UNC13C: variants seen among roughly 807,000 people sequenced by gnomAD.
The protein encoded by UNC13C is unc-13 homolog C.
Under a neutral mutation model 245.4 loss-of-function variants are expected in UNC13C, and 174 were observed. The observed-to-expected ratio is 0.71, with a 90% CI of 0.63 to 0.80. The LOEUF (loss-of-function observed/expected upper bound fraction) is 0.80, where lower values mean the gene tolerates loss of function less well. UNC13C is among the 30% of genes least tolerant of loss of function. The pLI is 0.00. For missense variants in UNC13C, 2,829 were observed against 2,602.9 expected, an observed-to-expected ratio of 1.09 and a Z score of -1.89; for synonymous variants, 992 against 895.1, an observed-to-expected ratio of 1.11 and a Z score of -1.93.
intron 1 of UNC13C, among the ~76,000 whole-genome samples, chr15:53,999,334 A>G (rs1203933988): frequency 6.6e-6 from 1 of 151,826 alleles, no homozygotes; most frequent in East Asian, 1.9e-4. Context: ...TACATAGAGA[A>G]AAATTCTTCC....
chr15:54,132,717 G>A (rs184944462), intron 2 of UNC13C, among the ~76,000 whole-genome samples: 10 of 152,230 alleles, frequency 6.6e-5, no homozygotes, highest in Admixed American at 2.0e-4. Context: ...ATGACTTTCA[G>A]GCATACTACA....
chr15:54,102,490 C>A (rs1418405890), intron 2 of UNC13C, among the ~76,000 whole-genome samples: 1 of 152,214 alleles, frequency 6.6e-6, no homozygotes, highest in Non-Finnish European at 1.5e-5. Flanking sequence ...CTACACACAT[C>A]TTTCCCTAAA....
At chr15:53,853,403 T>C in the UNC13C span, among the ~76,000 whole-genome samples, 4 of 152,220 alleles carry the variant, frequency 2.6e-5, no homozygotes, top group Non-Finnish European at 5.9e-5. Flanking sequence ...CAGTCTATCA[T>C]TGATGGTCAT....
intron 1 of UNC13C, among the ~76,000 whole-genome samples, chr15:53,996,718 A>G (rs142117875): frequency 2.0e-5 from 3 of 152,152 alleles, no homozygotes; most frequent in East Asian, 1.9e-4. Context: ...ATCATAGAGT[A>G]TGTATTCTTT....
the UNC13C span, among the ~76,000 whole-genome samples, chr15:53,894,187 C>T: frequency 3.3e-5 from 5 of 152,168 alleles, no homozygotes; most frequent in African/African-American, 1.2e-4. Flanking sequence ...CCAATCAGTC[C>T]CAGTGAGATG....
At chr15:54,549,609 T>G in intron 27 of UNC13C, 26 bp from the exon 28 acceptor site, 1 of 1,563,422 alleles carries the variant, frequency 6.4e-7, no homozygotes, top group Non-Finnish European at 8.7e-7. Context: ...AGACTGAGTC[T>G]TCTCTCACTT....
Position 54,269,646 on chromosome 15 carries a change from G to A in UNC13C, c.3818+4150G>A, listed in dbSNP as rs2036634626. On this transcript the variant is annotated intron_variant, in intron 10 of 32. Coordinates refer to ENST00000260323, the MANE Select transcript of UNC13C (RefSeq NM_001080534.3). ...CAATTCGCAGTGCTCATCCAGACCA[G>A]GGCTAGTGCTTGTTCCCACCAGACT... Among the ~76,000 whole-genome samples, 4 of 152,224 alleles carry A rather than the reference G, an allele frequency of 2.6e-5. No homozygotes were observed. The South Asian group carries it at 8.3e-4, about 32-fold the overall frequency.
At chr15:54,530,425 C>T (rs1328221485) in intron 25 of UNC13C, among the ~76,000 whole-genome samples, 1 of 152,190 alleles carries the variant, frequency 6.6e-6, no homozygotes, top group Non-Finnish European at 1.5e-5. Context: ...CCAAGCATGG[C>T]ATCCTGTGCC....
the UNC13C span, among the ~76,000 whole-genome samples, chr15:53,859,427 T>A: frequency 2.0e-5 from 3 of 152,184 alleles, no homozygotes; most frequent in Non-Finnish European, 4.4e-5. Context: ...ATGGAAGGGA[T>A]AGCCCAGGTT....
rs556804653 is a variant in UNC13C, at chr15:54,510,085, A to G, written c.5380-1668A>G. Among the ~76,000 whole-genome samples the G allele has an allele frequency of 2.0e-5, 3 of 152,268 alleles. 1 individual carries two copies. The East Asian group carries it at 5.8e-4, about 29-fold the overall frequency. ...AAAGCTAGTACTAGGGTCCTGTTAC[A>G]TGTGACAATAAAGATTAGCTTGAAT... On this transcript the variant is annotated intron_variant, in intron 23 of 32. Transcript: ENST00000260323.
rs1337728060 is a variant in UNC13C, at chr15:54,015,600, T to A, written c.2697T>A (p.Asp899Glu). The change falls in exon 2 of 33, where the codon GAT (aspartate) becomes GAA (glutamate). Residue 899 changes from aspartate to glutamate, a missense_variant. Coordinates refer to ENST00000260323, the MANE Select transcript of UNC13C (RefSeq NM_001080534.3). ...ACAGGACTAGTATTACTGAAACAGATGAACAAATGCAAGCATATGATCACC... is the reference window on the plus strand; with the variant it reads ...ACAGGACTAGTATTACTGAAACAGAAGAACAAATGCAAGCATATGATCACC... Reference protein sequence around the residue: ...LENRTSITETDEQMQAYDHLS... With the variant: ...LENRTSITETEEQMQAYDHLS... 1 of 1,613,832 alleles carries A rather than the reference T, an allele frequency of 6.2e-7. No individual in the cohort carries two copies. Among genetic ancestry groups the A allele is most frequent in the Non-Finnish European group, 8.5e-7 (1 of 1,179,806 alleles).
the UNC13C span, among the ~76,000 whole-genome samples, chr15:53,918,111 T>G: frequency 1.3e-5 from 2 of 152,204 alleles, no homozygotes; most frequent in Non-Finnish European, 2.9e-5. Flanking sequence ...GTGGATTGTT[T>G]TAAAATTTTG....
chr15:54,012,258 C>T (rs971469565), intron 1 of UNC13C, among the ~76,000 whole-genome samples: 4 of 151,980 alleles, frequency 2.6e-5, no homozygotes, highest in East Asian at 1.9e-4. Flanking sequence ...GGGGAATATA[C>T]ATAGATTTAA....
chr15:54,545,949 A>T (rs1024803602), intron 26 of UNC13C, among the ~76,000 whole-genome samples: 1 of 152,168 alleles, frequency 6.6e-6, no homozygotes, highest in Non-Finnish European at 1.5e-5. Context: ...ATACCATTTG[A>T]CCCAGCAATC....
chr15:54,140,459 G>A (rs1018731803), intron 2 of UNC13C, among the ~76,000 whole-genome samples: 3 of 152,266 alleles, frequency 2.0e-5, no homozygotes. Flanking sequence ...ATTCTGAAAG[G>A]ATTGCAGATA....
chr15:54,375,633 A>T (rs2039589446), intron 17 of UNC13C, among the ~76,000 whole-genome samples: 1 of 152,216 alleles, frequency 6.6e-6, no homozygotes, highest in South Asian at 2.1e-4. Context: ...GCTCTTTTAA[A>T]GGGGGCTTCA....
chr15:54,144,557 G>A lies in UNC13C; in HGVS notation c.3071+873G>A, dbSNP rs572836809. ...GAGATGTTTCCTTCAGACAGCTAGT[G>A]AGTGACAAAGTCAGTATTCAAGCTC... On this transcript the variant is annotated intron_variant, in intron 4 of 32. Transcript: ENST00000260323. 4.6e-5 allele frequency among the ~76,000 whole-genome samples: 7 copies of A among 152,250 alleles called. No homozygotes were observed. In the East Asian group the frequency reaches 9.7e-4, roughly 21 times the overall value.
chr15:53,841,086 T>G, the UNC13C span, among the ~76,000 whole-genome samples: 1 of 152,292 alleles, frequency 6.6e-6, no homozygotes, highest in East Asian at 1.9e-4. Flanking sequence ...TGCTTTCATT[T>G]GCCTTTTTGA....
At chr15:54,173,918 A>G (rs1274846664) in intron 4 of UNC13C, among the ~76,000 whole-genome samples, 1 of 152,056 alleles carries the variant, frequency 6.6e-6, no homozygotes, top group Non-Finnish European at 1.5e-5. Context: ...TGTGTGTTGA[A>G]TTTGTCAAAT....
Sources: allele counts gnomAD v4.1 joint callset (sites outside exome capture counted in the v4.1 genomes callset), GRCh38; gene constraint gnomAD v4.1.1; transcripts MANE v1.5; gene names NCBI Gene and HGNC (gene_info 2026-07-23, HGNC 2026-07-21).